The following NEO1 variants were observed in gnomAD, a reference collection of about 807,000 sequenced individuals.
NEO1 encodes neogenin.
Under a neutral mutation model 159.7 loss-of-function variants are expected in NEO1, and 63 were observed. That is an observed-to-expected ratio of 0.39 (90% CI 0.32 to 0.49). The LOEUF is 0.49. NEO1 is among the 20% of genes least tolerant of loss of function. The probability of loss-of-function intolerance (pLI) is 0.85; values close to 1 mark genes in which losing one functional copy is unlikely to be tolerated. For missense variants in NEO1, 1,615 were observed against 1,831.0 expected (o/e 0.88, Z 2.15); for synonymous variants, 633 against 662.0 (o/e 0.96, Z 0.67).
chr15:73,133,828 C>A (rs2031430497), intron 4 of NEO1, among the ~76,000 whole-genome samples: 1 of 152,108 alleles, frequency 6.6e-6, no homozygotes, highest in Non-Finnish European at 1.5e-5. Context: ...TTATTTCTCC[C>A]AGCCTTTTTT....
chr15:73,120,152 AATT>A, intron 2 of NEO1, among the ~76,000 whole-genome samples: 1 of 151,616 alleles, frequency 6.6e-6, no homozygotes. Context: ...AAAATTAATT[AATT>A]AATTTAATTT....
intron 5 of NEO1, among the ~76,000 whole-genome samples, chr15:73,140,069 T>C (rs1470333100): frequency 6.6e-6 from 1 of 152,266 alleles, no homozygotes; most frequent in African/African-American, 2.4e-5. Context: ...GTTGTCGTTA[T>C]TAGTCTTCAG....
intron 15 of NEO1, 118 bp from the exon 16 acceptor site, chr15:73,266,198 A>C: frequency 1.4e-6 from 1 of 698,034 alleles, no homozygotes; most frequent in Non-Finnish European, 2.3e-6. Flanking sequence ...ATCCCCCATA[A>C]AAATTTTTAA....
intron 2 of NEO1, among the ~76,000 whole-genome samples, chr15:73,117,724 T>C (rs1401462170): frequency 6.6e-6 from 1 of 152,174 alleles, no homozygotes; most frequent in Non-Finnish European, 1.5e-5. Flanking sequence ...CTGGTTTTTT[T>C]CCTCTTTGGG....
intron 1 of NEO1, among the ~76,000 whole-genome samples, chr15:73,077,668 G>A (rs753539858): frequency 6.6e-6 from 1 of 152,194 alleles, no homozygotes; most frequent in African/African-American, 2.4e-5. Context: ...CATTCAACAA[G>A]CATTTATTGA....
chr15:73,161,381 T>G (rs926725316), intron 5 of NEO1, among the ~76,000 whole-genome samples: 2 of 152,234 alleles, frequency 1.3e-5, no homozygotes, highest in African/African-American at 2.4e-5. Flanking sequence ...ATGTGTCACT[T>G]CAATCGTATG....
intron 7 of NEO1, among the ~76,000 whole-genome samples, chr15:73,219,882 G>T (rs1281544503): frequency 5.3e-5 from 8 of 150,942 alleles, no homozygotes; most frequent in Middle Eastern, 6.3e-3. Context: ...TATCCAATTT[G>T]CCAGTCTGTG....
At chr15:73,166,259 C>T (rs997487350) in intron 5 of NEO1, among the ~76,000 whole-genome samples, 1 of 152,014 alleles carries the variant, frequency 6.6e-6, no homozygotes, top group Non-Finnish European at 1.5e-5. Flanking sequence ...TTTGGTACAG[C>T]GAAAAGTATA....
chr15:73,136,109 G>A lies in NEO1; in HGVS notation c.1015+82G>A, dbSNP rs896243169. On this transcript the variant is annotated intron_variant, in intron 5 of 28. Coordinates refer to ENST00000261908, the MANE Select transcript of NEO1 (RefSeq NM_002499.4). ...ATTTTTAAGAAATATTAACATGGGC[G>A]AGGCAATACAGCAAAACAATTAAAA... 1.8e-5 allele frequency: 22 copies of A among 1,239,146 alleles called. No homozygotes were observed. The South Asian group carries it at 1.8e-4, about 10-fold the overall frequency. The allele number at this position is 1,239,146 out of a possible 1,614,324, so 76.8% of individuals were successfully genotyped here.
intron 22 of NEO1, among the ~76,000 whole-genome samples, chr15:73,278,756 T>C (rs2151073754): frequency 6.6e-6 from 1 of 152,324 alleles, no homozygotes; most frequent in Non-Finnish European, 1.5e-5. Context: ...GGAGAACAGA[T>C]ACCGTTATTC....
chr15:73,228,990 A>G (rs1464513763), intron 7 of NEO1, among the ~76,000 whole-genome samples: 1 of 152,040 alleles, frequency 6.6e-6, no homozygotes, highest in Non-Finnish European at 1.5e-5. Context: ...GAAATTAGTA[A>G]ATTTTGAAGT....
At chr15:73,144,640 A>G (rs1041348522) in intron 5 of NEO1, among the ~76,000 whole-genome samples, 5 of 152,144 alleles carry the variant, frequency 3.3e-5, no homozygotes, top group African/African-American at 9.7e-5. Flanking sequence ...TTCTGGTTTC[A>G]GGTATAATTT....
intron 7 of NEO1, among the ~76,000 whole-genome samples, chr15:73,224,120 G>A (rs925907002): frequency 6.6e-6 from 1 of 152,154 alleles, no homozygotes; most frequent in African/African-American, 2.4e-5. Context: ...GGAGGCTGAA[G>A]ATAGGGCCCC....
At chr15:73,121,921 C>G (rs937884446) in intron 2 of NEO1, among the ~76,000 whole-genome samples, 3 of 151,726 alleles carry the variant, frequency 2.0e-5, no homozygotes, top group African/African-American at 7.3e-5. Context: ...TCTCCTTCTG[C>G]ACTCTTAGAA....
chr15:73,235,158 C>T (rs2039105099), intron 7 of NEO1, among the ~76,000 whole-genome samples: 1 of 152,168 alleles, frequency 6.6e-6, no homozygotes, highest in East Asian at 1.9e-4. Context: ...GACTGCATCA[C>T]ATTACACTCT....
intron 1 of NEO1, among the ~76,000 whole-genome samples, chr15:73,061,468 C>T (rs1298268863): frequency 6.6e-6 from 1 of 152,082 alleles, no homozygotes; most frequent in East Asian, 1.9e-4. Context: ...CAGGTTGATG[C>T]CTGAGGTAGG....
intron 18 of NEO1, among the ~76,000 whole-genome samples, chr15:73,271,446 C>T (rs1036733671): frequency 6.6e-5 from 10 of 152,168 alleles, no homozygotes; most frequent in African/African-American, 2.4e-4. Context: ...TAAAAGTTTT[C>T]AGCTATCACA....
At chr15:73,143,061 A>C (rs1450383050) in intron 5 of NEO1, among the ~76,000 whole-genome samples, 2 of 152,264 alleles carry the variant, frequency 1.3e-5, no homozygotes. Flanking sequence ...TGGAGGTGCC[A>C]GAAGCAAAGC....
intron 5 of NEO1, among the ~76,000 whole-genome samples, chr15:73,174,528 G>T (rs569902193): frequency 6.6e-6 from 1 of 152,126 alleles, no homozygotes; most frequent in Non-Finnish European, 1.5e-5. Flanking sequence ...TTACAGGAGG[G>T]TGATCATTAT....
Sources: gnomAD v4.1 joint callset for allele counts (sites outside exome capture counted in the v4.1 genomes callset) on GRCh38, gnomAD v4.1.1 for gene constraint, MANE v1.5 for transcripts, NCBI Gene and HGNC (gene_info 2026-07-23, HGNC 2026-07-21) for gene names.